Variants in ROBO2 observed in about 807,000 individuals in gnomAD.
ROBO2 encodes roundabout guidance receptor 2, also known as roundabout homolog 2.
ROBO2 carries 53 observed loss-of-function variants against 160.8 expected under a neutral mutation model. That is an observed-to-expected ratio of 0.33 (90% CI 0.26 to 0.41). The LOEUF is 0.41. ROBO2 is among the 10% of genes least tolerant of loss of function. The pLI, the probability that ROBO2 is intolerant of heterozygous loss-of-function variation, is 1.00. For missense variants in ROBO2, 1,577 were observed against 1,722.4 expected (o/e 0.92, Z 1.49); for synonymous variants, 664 against 611.7 (o/e 1.09, Z -1.26).
chr3:77,588,837 G>A (rs1181222188), exon 17 of ROBO2: 1 of 1,613,450 alleles, frequency 6.2e-7, no homozygotes, highest in Admixed American at 1.7e-5. Context: ...AGCCTTTATA[G>A]CTGGTATTGG....
chr3:77,509,891 G>A (rs959861287), intron 5 of ROBO2, among the ~76,000 whole-genome samples: 2 of 152,146 alleles, frequency 1.3e-5, no homozygotes, highest in South Asian at 2.1e-4. Context: ...AAATCTAGAG[G>A]TATAAGTAGA....
intron 2 of ROBO2, among the ~76,000 whole-genome samples, chr3:77,191,223 T>C (rs1328587511): frequency 6.6e-6 from 1 of 152,144 alleles, no homozygotes; most frequent in Non-Finnish European, 1.5e-5. Flanking sequence ...TCGAGTATAT[T>C]ATTTCATTTA....
At chr3:77,412,194 T>C (rs950650907) in intron 2 of ROBO2, among the ~76,000 whole-genome samples, 4 of 152,138 alleles carry the variant, frequency 2.6e-5, no homozygotes, top group African/African-American at 9.7e-5. Context: ...GCCAAAGACA[T>C]CTGTAGGTTC....
intron 2 of ROBO2, among the ~76,000 whole-genome samples, chr3:76,141,894 T>A (rs2071682948): frequency 6.6e-6 from 1 of 152,036 alleles, no homozygotes; most frequent in Non-Finnish European, 1.5e-5. Flanking sequence ...CCAACTTTTT[T>A]ATCCCCAGAC....
At position 77,436,072 on chromosome 3, in the gene ROBO2, T is replaced by G. The variant is rs980351573; in HGVS notation, c.389-41342T>G. 3.3e-5 allele frequency among the ~76,000 whole-genome samples: 5 copies of G among 151,238 alleles called. No individual in the cohort carries two copies. In the South Asian group the frequency reaches 1.0e-3, roughly 32 times the overall value. On this transcript the variant is annotated intron_variant, in intron 2 of 25. Coordinates refer to ENST00000461745, the Ensembl canonical transcript of ROBO2. ...TGATATGGATTCAGTCCTGCTATGCTTGGTCATAAAGAGATGACTGTGTAT... is the reference window on the plus strand; with the variant it reads ...TGATATGGATTCAGTCCTGCTATGCGTGGTCATAAAGAGATGACTGTGTAT...
At chr3:77,556,560 C>G (rs1196578842) in intron 8 of ROBO2, among the ~76,000 whole-genome samples, 1 of 151,682 alleles carries the variant, frequency 6.6e-6, no homozygotes, top group African/African-American at 2.4e-5. Context: ...CTTTTGTTCC[C>G]TAAAACTATG....
intron 2 of ROBO2, among the ~76,000 whole-genome samples, chr3:77,347,430 C>G (rs2067782395): frequency 6.6e-6 from 1 of 151,972 alleles, no homozygotes; most frequent in South Asian, 2.1e-4. Flanking sequence ...TTCCTTCCCT[C>G]TTACCGTATA....
intron 2 of ROBO2, among the ~76,000 whole-genome samples, chr3:77,102,362 T>C (rs768929748): frequency 6.6e-6 from 1 of 152,144 alleles, no homozygotes; most frequent in Non-Finnish European, 1.5e-5. Context: ...CTGGCGTTTG[T>C]TCACAAGGTG....
intron 2 of ROBO2, among the ~76,000 whole-genome samples, chr3:77,460,346 G>T (rs1281310200): frequency 1.3e-5 from 2 of 152,096 alleles, no homozygotes; most frequent in Non-Finnish European, 2.9e-5. Context: ...ATTCCATTTT[G>T]GTAATGTTGA....
At chr3:75,998,103 A>G (rs1274779440) in intron 2 of ROBO2, among the ~76,000 whole-genome samples, 1 of 152,222 alleles carries the variant, frequency 6.6e-6, no homozygotes, top group Non-Finnish European at 1.5e-5. Context: ...GATTCTAATC[A>G]TTCTATATCT....
At chr3:77,252,831 A>T (rs7431142) in intron 2 of ROBO2, among the ~76,000 whole-genome samples, 2,109 of 12,090 alleles carry the variant, frequency 0.17, 261 homozygotes, top group Non-Finnish European at 0.28. Context: ...AAAAAAAAAA[A>T]ATATATATAT....
intron 2 of ROBO2, among the ~76,000 whole-genome samples, chr3:77,212,585 T>G (rs1235178820): frequency 6.6e-6 from 1 of 152,178 alleles, no homozygotes; most frequent in Non-Finnish European, 1.5e-5. Flanking sequence ...CCTGCCTGAT[T>G]GCCCTGGCCA....
At chr3:76,705,981 T>A (rs994174653) in intron 2 of ROBO2, among the ~76,000 whole-genome samples, 3 of 152,268 alleles carry the variant, frequency 2.0e-5, no homozygotes, top group East Asian at 1.9e-4. Context: ...TACATTTTTT[T>A]AAAAAGACTT....
intron 2 of ROBO2, among the ~76,000 whole-genome samples, chr3:77,100,452 G>C (rs1056144448): frequency 1.3e-5 from 2 of 151,758 alleles, no homozygotes; most frequent in Admixed American, 1.3e-4. Flanking sequence ...TGGAAATTTG[G>C]GTTAAAGCAT....
intron 2 of ROBO2, among the ~76,000 whole-genome samples, chr3:76,306,927 C>A (rs1285883797): frequency 6.6e-6 from 1 of 152,128 alleles, no homozygotes; most frequent in African/African-American, 2.4e-5. Context: ...TTTCACTCCC[C>A]ATCATAATGC....
intron 2 of ROBO2, among the ~76,000 whole-genome samples, chr3:77,034,415 C>G (rs973913534): frequency 6.0e-5 from 9 of 150,420 alleles, no homozygotes; most frequent in Non-Finnish European, 1.3e-4. Flanking sequence ...TTCAGGTACT[C>G]CACAAGTAGT....
At chr3:76,865,888 T>G (rs2071320607) in intron 2 of ROBO2, among the ~76,000 whole-genome samples, 1 of 152,116 alleles carries the variant, frequency 6.6e-6, no homozygotes, top group Admixed American at 6.5e-5. Context: ...TAGGATCAAT[T>G]ATAGCTACCT....
intron 2 of ROBO2, among the ~76,000 whole-genome samples, chr3:76,414,934 G>A (rs2075691582): frequency 6.6e-6 from 1 of 152,092 alleles, no homozygotes; most frequent in East Asian, 1.9e-4. Flanking sequence ...GGTAGAGAAT[G>A]CTTCTTATCA....
chr3:76,549,485 G>C (rs1293448043), intron 2 of ROBO2, among the ~76,000 whole-genome samples: 1 of 152,156 alleles, frequency 6.6e-6, no homozygotes, highest in African/African-American at 2.4e-5. Context: ...CTCTGAGAAG[G>C]TTCTGTCTGG....
Sources: gnomAD v4.1 joint callset for allele counts (sites outside exome capture counted in the v4.1 genomes callset) on GRCh38, gnomAD v4.1.1 for gene constraint, MANE v1.5 for transcripts, NCBI Gene and HGNC (gene_info 2026-07-23, HGNC 2026-07-21) for gene names.